GRID2: variants seen among roughly 807,000 people sequenced by gnomAD.
GRID2 encodes the protein glutamate receptor ionotropic, delta-2.
GRID2 carries 33 observed loss-of-function variants against 114.8 expected under a neutral mutation model. That is an observed-to-expected ratio of 0.29 (90% CI 0.22 to 0.38). GRID2 has a LOEUF of 0.38. GRID2 is among the 10% of genes least tolerant of loss of function. The pLI, the probability that GRID2 is intolerant of heterozygous loss-of-function variation, is 1.00. For synonymous variants in GRID2, 505 were observed against 449.9 expected (o/e 1.12, Z -1.55); for missense variants, 1,184 against 1,257.7 (o/e 0.94, Z 0.89).
intron 2 of GRID2, among the ~76,000 whole-genome samples, chr4:92,654,134 T>G (rs1439296020): frequency 6.6e-6 from 1 of 151,978 alleles, no homozygotes; most frequent in Non-Finnish European, 1.5e-5. Flanking sequence ...CTGTGTGGCT[T>G]AAGCAACAAT....
intron 13 of GRID2, among the ~76,000 whole-genome samples, chr4:93,612,408 G>T (rs1051782785): frequency 1.4e-5 from 2 of 146,430 alleles, no homozygotes; most frequent in African/African-American, 2.5e-5. Flanking sequence ...TCCTAGTCTC[G>T]ATGGGCTTTA....
At chr4:93,330,150 A>T (rs1479780174) in intron 8 of GRID2, among the ~76,000 whole-genome samples, 2 of 152,208 alleles carry the variant, frequency 1.3e-5, no homozygotes, top group Non-Finnish European at 2.9e-5. Context: ...AACAAACAAA[A>T]GTGCTTTCTC....
At chr4:92,456,317 A>G (rs1165262549) in intron 1 of GRID2, among the ~76,000 whole-genome samples, 2 of 152,128 alleles carry the variant, frequency 1.3e-5, no homozygotes, top group African/African-American at 2.4e-5. Flanking sequence ...TTGTGGCTCT[A>G]GTAGAATGGG....
At chr4:92,811,753 A>C (rs1353847021) in intron 2 of GRID2, among the ~76,000 whole-genome samples, 1 of 152,140 alleles carries the variant, frequency 6.6e-6, no homozygotes, top group Non-Finnish European at 1.5e-5. Context: ...CAATTAAAGT[A>C]AAATCATATG....
intron 13 of GRID2, among the ~76,000 whole-genome samples, chr4:93,520,376 C>T (rs1250890768): frequency 3.3e-5 from 5 of 151,914 alleles, no homozygotes; most frequent in Non-Finnish European, 4.4e-5. Flanking sequence ...ATGTTGCCAT[C>T]CCACATTGGG....
At chr4:92,608,699 C>T (rs962064988) in intron 2 of GRID2, among the ~76,000 whole-genome samples, 1 of 151,680 alleles carries the variant, frequency 6.6e-6, no homozygotes, top group African/African-American at 2.4e-5. Flanking sequence ...ATATCATGTA[C>T]TGTGGTTCCT....
At chr4:92,822,227 C>T (rs183207706) in intron 2 of GRID2, 16 of 523,924 alleles carry the variant, frequency 3.1e-5, no homozygotes, top group Admixed American at 4.0e-5. Context: ...TGATGATATT[C>T]CCACCACATA....
At chr4:92,512,105 A>G (rs1351430619) in intron 1 of GRID2, among the ~76,000 whole-genome samples, 1 of 151,726 alleles carries the variant, frequency 6.6e-6, no homozygotes, top group East Asian at 1.9e-4. Flanking sequence ...GATACCTCAT[A>G]CAAGTGGAAT....
intron 2 of GRID2, among the ~76,000 whole-genome samples, chr4:92,739,533 A>C (rs182186561): frequency 6.6e-6 from 1 of 152,294 alleles, no homozygotes; most frequent in Admixed American, 6.5e-5. Flanking sequence ...GGACAAAATA[A>C]ATAAATGGGT....
intron 1 of GRID2, among the ~76,000 whole-genome samples, chr4:92,413,281 T>C (rs552952887): frequency 1.3e-5 from 2 of 152,184 alleles, no homozygotes; most frequent in Non-Finnish European, 2.9e-5. Context: ...TCATTGATTG[T>C]ATACAGGCTT....
Position 93,054,194 on chromosome 4 carries a change from A to T in GRID2, c.245-30801A>T, listed in dbSNP as rs192477438. On this transcript the variant is annotated intron_variant, in intron 2 of 15. Transcript: ENST00000282020. The stretch of plus-strand genomic sequence containing the variant: ...CTCATAGAAATGCTAAATGAAACAA[A>T]CAAGCAAAGTATGGATTTTTATTAA... Among the ~76,000 whole-genome samples, 118 of 152,072 alleles carry T rather than the reference A, an allele frequency of 7.8e-4. 4 individuals carry two copies. In the East Asian group the frequency reaches 0.014, roughly 18 times the overall value.
At chr4:93,475,801 A>G (rs1272148869) in intron 11 of GRID2, among the ~76,000 whole-genome samples, 1 of 152,144 alleles carries the variant, frequency 6.6e-6, no homozygotes, top group Non-Finnish European at 1.5e-5. Flanking sequence ...TCTCTGAAAA[A>G]TGGGGTTGCT....
chr4:93,554,162 T>C (rs776421764), intron 13 of GRID2, among the ~76,000 whole-genome samples: 5 of 152,162 alleles, frequency 3.3e-5, no homozygotes, highest in African/African-American at 4.8e-5. Flanking sequence ...TATGAATGGA[T>C]AATATATACA....
intron 9 of GRID2, among the ~76,000 whole-genome samples, chr4:93,402,579 G>A (rs1388747027): frequency 1.3e-5 from 2 of 151,988 alleles, no homozygotes; most frequent in Non-Finnish European, 2.9e-5. Context: ...AATGTAAACT[G>A]CAGAATAATG....
At chr4:92,630,363 T>C (rs1201104978) in intron 2 of GRID2, among the ~76,000 whole-genome samples, 1 of 152,160 alleles carries the variant, frequency 6.6e-6, no homozygotes, top group Non-Finnish European at 1.5e-5. Flanking sequence ...TCTCAGTTAT[T>C]TGTACTTGTA....
intron 8 of GRID2, among the ~76,000 whole-genome samples, chr4:93,389,440 G>A (rs2149320747): frequency 6.6e-6 from 1 of 152,226 alleles, no homozygotes; most frequent in South Asian, 2.1e-4. Flanking sequence ...GTGTCTAGTT[G>A]GAAACATTTT....
chr4:92,939,251 G>C (rs1205416643), intron 2 of GRID2, among the ~76,000 whole-genome samples: 1 of 147,142 alleles, frequency 6.8e-6, no homozygotes, highest in Non-Finnish European at 1.5e-5. Flanking sequence ...TTTAATGATT[G>C]CCATTCTAAC....
intron 2 of GRID2, among the ~76,000 whole-genome samples, chr4:92,869,361 AT>A (rs1407638319): frequency 6.6e-6 from 1 of 152,236 alleles, no homozygotes; most frequent in Admixed American, 6.5e-5. Flanking sequence ...CCCAAAAAAC[AT>A]TTAAATAGTT....
Position 93,613,322 on chromosome 4 carries a change from A to G in GRID2, c.2194-12947A>G, listed in dbSNP as rs1282264708. Reference sequence around the variant, plus strand: ...CTTCTTCTCTCAGCTCGTCAAAATCATTCTCCATCCAGCTTTGTTCTGTTG... The same window carrying G: ...CTTCTTCTCTCAGCTCGTCAAAATCGTTCTCCATCCAGCTTTGTTCTGTTG... On this transcript the variant is annotated intron_variant, in intron 13 of 15. Coordinates refer to ENST00000282020, the MANE Select transcript of GRID2 (RefSeq NM_001510.4). Among the ~76,000 whole-genome samples the G allele has an allele frequency of 9.5e-3, 1,302 of 137,448 alleles. 28 individuals carry two copies. Among genetic ancestry groups the G allele is most frequent in the African/African-American group, 0.033 (1,203 of 36,406 alleles). 90.2% of individuals were successfully genotyped at this position (137,448 alleles called of 152,430 possible).
Sources: allele counts gnomAD v4.1 joint callset (sites outside exome capture counted in the v4.1 genomes callset), GRCh38; gene constraint gnomAD v4.1.1; transcripts MANE v1.5; gene names NCBI Gene and HGNC (gene_info 2026-07-23, HGNC 2026-07-21).